Variants in TRMT44 observed in about 807,000 individuals in gnomAD.
TRMT44 encodes the protein tRNA methyltransferase 44 homolog, also known as probable tRNA (uracil-O(2)-)-methyltransferase.
In TRMT44, 78 loss-of-function variants were observed where a neutral mutation model predicts 77.3. The ratio of observed to expected loss-of-function variants is 1.01; its 90% confidence interval spans 0.84 to 1.22. The LOEUF (loss-of-function observed/expected upper bound fraction) is 1.22, where lower values mean the gene tolerates loss of function less well. Among genes scored for constraint, TRMT44 ranks in the 50% most tolerant of loss-of-function variants. The pLI is 0.00. For synonymous variants in TRMT44, 391 were observed against 383.3 expected (o/e 1.02, Z -0.23); for missense variants, 1,090 against 964.4 (o/e 1.13, Z -1.73).
intron 2 of TRMT44, among the ~76,000 whole-genome samples, chr4:8,489,240 C>A (rs1315814754): frequency 6.6e-6 from 1 of 152,214 alleles, no homozygotes; most frequent in Non-Finnish European, 1.5e-5. Context: ...ACATGGCCAC[C>A]AGGCAAGGCT....
At chr4:8,466,272 C>T (rs1003108019) in intron 8 of TRMT44, among the ~76,000 whole-genome samples, 1 of 152,232 alleles carries the variant, frequency 6.6e-6, no homozygotes, top group African/African-American at 2.4e-5. Flanking sequence ...AGAAAGGGCC[C>T]AGCTGATCTG....
intron 10 of TRMT44, among the ~76,000 whole-genome samples, chr4:8,473,068 T>C (rs1727130157): frequency 6.6e-6 from 1 of 152,256 alleles, no homozygotes; most frequent in South Asian, 2.1e-4. Flanking sequence ...CCTCCAGTCA[T>C]GCGAAAACTA....
At chr4:8,472,082 A>C (rs1205311555) in intron 10 of TRMT44, among the ~76,000 whole-genome samples, 2 of 151,830 alleles carry the variant, frequency 1.3e-5, no homozygotes, top group Non-Finnish European at 2.9e-5. Flanking sequence ...TTCACCCCTA[A>C]GTACTTCCAC....
At position 8,461,865 on chromosome 4, in the gene TRMT44, T is replaced by C. The variant is rs1191405718; in HGVS notation, c.1204-2120T>C. 1.3e-5 allele frequency among the ~76,000 whole-genome samples: 2 copies of C among 152,204 alleles called. No homozygotes were observed. Among genetic ancestry groups the C allele is most frequent in the Non-Finnish European group, 2.9e-5 (2 of 68,040 alleles). On this transcript the variant is annotated intron_variant, in intron 6 of 10. Transcript: ENST00000389737. This position sits in a 1 kb window ranked among gnomAD's most constrained non-coding sequence, Gnocchi z 4.6. ...GTTTGTGGATTTTCTAGTGAATGAT[T>C]TCCTTCCAGCTGCAGTTGAGTGGTT...
intron 10 of TRMT44, 146 bp downstream of exon 10, chr4:8,471,346 G>A (rs994866822): frequency 4.6e-5 from 27 of 591,564 alleles, no homozygotes; most frequent in South Asian, 2.8e-4. Flanking sequence ...CAGCTCTGAC[G>A]TGGGTGGCAT....
the TRMT44 span, among the ~76,000 whole-genome samples, chr4:8,512,919 C>A: frequency 6.6e-6 from 1 of 152,036 alleles, no homozygotes; most frequent in Non-Finnish European, 1.5e-5. Flanking sequence ...TGTAAATAAA[C>A]GTATTTTATT....
At chr4:8,498,364 C>G (rs148214016), downstream of TRMT44, among the ~76,000 whole-genome samples, 27 of 152,152 alleles carry the variant, frequency 1.8e-4, no homozygotes, top group African/African-American at 6.0e-4. The surrounding 1 kb of genome is among the most constrained non-coding windows in gnomAD (Gnocchi z 4.3). Context: ...AAAGAAATAC[C>G]CAAGACTGGG....
chr4:8,494,823 C>A (rs1728105306), downstream of TRMT44, among the ~76,000 whole-genome samples: 1 of 151,616 alleles, frequency 6.6e-6, no homozygotes, highest in African/African-American at 2.4e-5. Context: ...CCAGTCTTTG[C>A]AGCTGTCTTA....
chr4:8,472,462 A>G (rs1246379931), intron 10 of TRMT44, among the ~76,000 whole-genome samples: 2 of 152,220 alleles, frequency 1.3e-5, no homozygotes. Context: ...CTGCCCATGA[A>G]GTAGCCGTGG....
At chr4:8,450,873 C>T (rs1257714649) in intron 3 of TRMT44, among the ~76,000 whole-genome samples, 1 of 145,788 alleles carries the variant, frequency 6.9e-6, no homozygotes, top group East Asian at 2.1e-4. Context: ...TCTTGGCTCA[C>T]TGGAGACTCA....
rs1725696816 is a variant in TRMT44 at position 8,454,832 on chromosome 4, A to G, written c.1203+19A>G. 1.2e-6 allele frequency: 2 copies of G among 1,612,568 alleles called. No homozygotes were observed. Among genetic ancestry groups the G allele is most frequent in the African/African-American group, 1.3e-5 (1 of 75,042 alleles). On this transcript the variant is annotated intron_variant, in intron 6 of 10. Coordinates refer to ENST00000389737, the MANE Select transcript of TRMT44 (RefSeq NM_152544.3). Reference sequence around the variant, plus strand: ...GTTAGAGGTACCGTCTTTATTACGCATGCCCTTGATCTCAGCATGGCTTAG... The same window carrying G: ...GTTAGAGGTACCGTCTTTATTACGCGTGCCCTTGATCTCAGCATGGCTTAG...
Position 8,465,668 on chromosome 4 carries a change from T to C in TRMT44, c.1494+107T>C, listed in dbSNP as rs77374080. 4,792 of 1,019,056 alleles carry C rather than the reference T, an allele frequency of 4.7e-3. 161 individuals are homozygous for C. The African/African-American group carries it at 0.066, about 14-fold the overall frequency. 63.1% of individuals were successfully genotyped at this position (1,019,056 alleles called of 1,614,324 possible). A position where few individuals can be genotyped will look rare whatever the true frequency, so the allele number is the denominator to read the frequency against. ...CCATGCTGTAACGTTCAAAATGTTC[T>C]AGAACGTGCCGGTGCTGATTTCTGT... On this transcript the variant is annotated intron_variant, in intron 8 of 10. Transcript: ENST00000389737.
intron 10 of TRMT44, among the ~76,000 whole-genome samples, chr4:8,472,361 A>G (rs899196991): frequency 6.6e-6 from 1 of 152,238 alleles, no homozygotes; most frequent in African/African-American, 2.4e-5. Flanking sequence ...CGCCATGACC[A>G]GGAAAAGGAC....
At chr4:8,507,978 C>T in the TRMT44 span, among the ~76,000 whole-genome samples, 1 of 152,224 alleles carries the variant, frequency 6.6e-6, no homozygotes, top group African/African-American at 2.4e-5. Context: ...GCAATCTTGG[C>T]TCACTGCAAC....
chr4:8,453,190 T>A (rs1725568121), intron 5 of TRMT44, among the ~76,000 whole-genome samples: 1 of 152,218 alleles, frequency 6.6e-6, no homozygotes, highest in Non-Finnish European at 1.5e-5. Flanking sequence ...GTGATCTCAT[T>A]GGACCTAAGA....
chr4:8,491,318 C>T (rs926336327), intron 2 of TRMT44, among the ~76,000 whole-genome samples: 2 of 152,252 alleles, frequency 1.3e-5, no homozygotes, highest in Non-Finnish European at 2.9e-5. Context: ...TCCACATCCC[C>T]ACCAGACTCA....
rs957713110 is a variant in TRMT44 at position 8,484,303 on chromosome 4, A to T, written n.3891+4770A>T. 2.0e-5 allele frequency among the ~76,000 whole-genome samples: 3 copies of T among 152,216 alleles called. 1 individual carries two copies. Among genetic ancestry groups the T allele is most frequent in the Admixed American group, 2.0e-4 (3 of 15,288 alleles). ...GGGAGGCCAGATTGAAGTTGGGGCC[A>T]GGAACAATGGTGATTGTGGGAGACT... On this transcript the variant is annotated intron_variant and non_coding_transcript_variant, in intron 2 of 2. Transcript: ENST00000511366.
intron 2 of TRMT44, among the ~76,000 whole-genome samples, chr4:8,483,752 A>G (rs1431422455): frequency 2.0e-5 from 3 of 152,338 alleles, no homozygotes; most frequent in Middle Eastern, 3.4e-3. Context: ...ATTGGACTGT[A>G]TAGAGGTGGG....
chr4:8,499,469 A>G, the TRMT44 span, among the ~76,000 whole-genome samples: 1 of 151,422 alleles, frequency 6.6e-6, no homozygotes, highest in Non-Finnish European at 1.5e-5. Flanking sequence ...CCTCTTCTTC[A>G]ACCCTCCAAT....
Sources: allele counts gnomAD v4.1 joint callset (sites outside exome capture counted in the v4.1 genomes callset), GRCh38; gene constraint gnomAD v4.1.1; non-coding constraint Gnocchi (gnomAD v3.1); transcripts MANE v1.5; gene names NCBI Gene and HGNC (gene_info 2026-07-23, HGNC 2026-07-21).